The following ELP2 variants were observed in gnomAD, a reference collection of about 807,000 sequenced individuals.
ELP2 encodes the protein elongator complex protein 2.
A neutral mutation model predicts 119.2 loss-of-function variants in ELP2; 90 were observed. The observed-to-expected ratio is 0.75, with a 90% CI of 0.64 to 0.90. The LOEUF (loss-of-function observed/expected upper bound fraction) is 0.90, where lower values mean the gene tolerates loss of function less well. Ranked by LOEUF, ELP2 falls within the 40% of genes least tolerant of loss-of-function variation. The pLI is 0.00. For synonymous variants in ELP2, 339 were observed against 331.0 expected (o/e 1.02, Z -0.26); for missense variants, 921 against 967.8 (o/e 0.95, Z 0.64).
At chr18:36,130,153 C>T in intron 1 of ELP2, 82 bp downstream of exon 1, 2 of 1,582,390 alleles carry the variant, frequency 1.3e-6, no homozygotes, top group East Asian at 2.2e-5. Flanking sequence ...TGTTAGTTGC[C>T]GCCCCAGACC....
intron 18 of ELP2, among the ~76,000 whole-genome samples, chr18:36,165,481 T>C (rs2090868474): frequency 6.6e-6 from 1 of 152,232 alleles, no homozygotes; most frequent in African/African-American, 2.4e-5. Context: ...TCTTGTGTTT[T>C]AGAGAACACC....
At chr18:36,145,171 A>T in intron 9 of ELP2, 137 bp downstream of exon 9, 1 of 720,406 alleles carries the variant, frequency 1.4e-6, no homozygotes, top group South Asian at 1.5e-5. Context: ...GACAAAGTAT[A>T]ATACTGCATT....
At chr18:36,156,336 G>T (rs535076897) in intron 12 of ELP2, 130 bp from the exon 13 acceptor site, 9 of 896,800 alleles carry the variant, frequency 1.0e-5, no homozygotes, top group East Asian at 2.6e-5. Context: ...CCCAGTTGTG[G>T]TTTATTCATG....
At chr18:36,145,838 A>T in intron 9 of ELP2, 110 bp from the exon 10 acceptor site, 1 of 904,648 alleles carries the variant, frequency 1.1e-6, no homozygotes, top group Non-Finnish European at 1.9e-6. Flanking sequence ...TATTACAAAT[A>T]ATGTGCAGTG....
chr18:36,156,427 CT>C (rs746362665), intron 12 of ELP2, 38 bp from the exon 13 acceptor site: 1 of 1,598,036 alleles, frequency 6.3e-7, no homozygotes, highest in Non-Finnish European at 8.6e-7. Context: ...GAAAATTCAG[CT>C]TTTGAATGAT....
chr18:36,131,594 C>G (rs548555370), intron 1 of ELP2, among the ~76,000 whole-genome samples: 1 of 152,330 alleles, frequency 6.6e-6, no homozygotes, highest in South Asian at 2.1e-4. Context: ...ATTAGCAAGG[C>G]ACACTCTTTG....
At chr18:36,171,214 T>G in intron 21 of ELP2, 54 bp downstream of exon 21, 1 of 1,277,548 alleles carries the variant, frequency 7.8e-7, no homozygotes, top group Non-Finnish European at 1.1e-6. Context: ...TGTGGGGTCT[T>G]TCATGGCAAA....
intron 6 of ELP2, 115 bp downstream of exon 6, chr18:36,141,316 C>T: frequency 2.3e-6 from 2 of 867,286 alleles, no homozygotes; most frequent in Non-Finnish European, 1.9e-6. Flanking sequence ...CCAAAATAAT[C>T]CAATAGAATC....
At chr18:36,157,043 T>C (rs1010515588) in intron 13 of ELP2, among the ~76,000 whole-genome samples, 3 of 151,738 alleles carry the variant, frequency 2.0e-5, no homozygotes, top group Non-Finnish European at 4.4e-5. Flanking sequence ...AGTTGTTAGA[T>C]GAGACCAGTT....
At chr18:36,161,029 G>T in intron 17 of ELP2, 25 bp downstream of exon 17, 1 of 1,585,308 alleles carries the variant, frequency 6.3e-7, no homozygotes. Flanking sequence ...TTTTGATTCT[G>T]CTTGGTCACA....
At chr18:36,139,621 G>A in intron 5 of ELP2, 2 of 1,518,670 alleles carry the variant, frequency 1.3e-6, no homozygotes, top group Non-Finnish European at 1.8e-6. Flanking sequence ...CAAGTGACTG[G>A]AGTTTTGTTT....
chr18:36,152,832 C>T (rs76127984), intron 11 of ELP2, among the ~76,000 whole-genome samples: 2,519 of 152,332 alleles, frequency 0.017, 48 homozygotes, highest in East Asian at 0.043. Context: ...TAATCACTTT[C>T]ATAGTCCACT....
intron 21 of ELP2, among the ~76,000 whole-genome samples, chr18:36,173,414 A>T (rs1312471612): frequency 6.6e-6 from 1 of 152,182 alleles, no homozygotes; most frequent in African/African-American, 2.4e-5. Context: ...TAAGCTTGCC[A>T]TTTATATTTA....
At chr18:36,149,166 A>G (rs571241470) in intron 11 of ELP2, among the ~76,000 whole-genome samples, 1 of 152,220 alleles carries the variant, frequency 6.6e-6, no homozygotes, top group East Asian at 1.9e-4. Context: ...CTCAGCTGCT[A>G]TTTCTCCTTC....
chr18:36,149,093 T>C (rs374742927), intron 11 of ELP2, among the ~76,000 whole-genome samples: 2 of 152,240 alleles, frequency 1.3e-5, no homozygotes, highest in African/African-American at 4.8e-5. Flanking sequence ...CTCTTGAGAC[T>C]CTTATGAGTT....
At chr18:36,157,330 G>T (rs370254333) in intron 13 of ELP2, among the ~76,000 whole-genome samples, 1 of 152,138 alleles carries the variant, frequency 6.6e-6, no homozygotes, top group South Asian at 2.1e-4. Flanking sequence ...GTTGAGTCAC[G>T]AATTTGGTTC....
intron 1 of ELP2, among the ~76,000 whole-genome samples, chr18:36,132,581 G>A (rs983273643): frequency 6.6e-6 from 1 of 152,156 alleles, no homozygotes; most frequent in Non-Finnish European, 1.5e-5. Context: ...AATCTTTAAT[G>A]GTGTGTGAAG....
At chr18:36,154,436 T>C (rs1418997491) in intron 11 of ELP2, among the ~76,000 whole-genome samples, 2 of 152,238 alleles carry the variant, frequency 1.3e-5, no homozygotes, top group South Asian at 2.1e-4. Context: ...ATACAATTTT[T>C]ATTTAGTTTA....
At chr18:36,140,991 T>A in intron 5 of ELP2, 146 bp from the exon 6 acceptor site, 1 of 735,672 alleles carries the variant, frequency 1.4e-6, no homozygotes, top group Non-Finnish European at 2.5e-6. Flanking sequence ...TGCAGACATT[T>A]ATTGAGCATT....
Sources: gnomAD v4.1 joint callset for allele counts (sites outside exome capture counted in the v4.1 genomes callset) on GRCh38, gnomAD v4.1.1 for gene constraint, MANE v1.5 for transcripts, NCBI Gene and HGNC (gene_info 2026-07-23, HGNC 2026-07-21) for gene names.